Variants in PPP1CC observed in about 807,000 individuals in gnomAD.
The protein encoded by PPP1CC is protein phosphatase 1 catalytic subunit gamma, also known as serine/threonine-protein phosphatase PP1-gamma catalytic subunit.
A neutral mutation model predicts 38.4 loss-of-function variants in PPP1CC; 16 were observed. The observed-to-expected ratio is 0.42, with a 90% CI of 0.28 to 0.63. The LOEUF (loss-of-function observed/expected upper bound fraction) is 0.63. Ranked by LOEUF, PPP1CC falls within the 30% of genes least tolerant of loss-of-function variation. The pLI is 0.25. For synonymous variants in PPP1CC, 158 were observed against 136.0 expected, an observed-to-expected ratio of 1.16 and a Z score of -1.13; for missense variants, 170 against 391.3, an observed-to-expected ratio of 0.43 and a Z score of 4.77.
intron 4 of PPP1CC, among the ~76,000 whole-genome samples, chr12:110,724,231 C>T (rs1411662507): frequency 1.3e-5 from 2 of 151,872 alleles, no homozygotes; most frequent in African/African-American, 2.4e-5. Flanking sequence ...GAGCGAGACT[C>T]TGTCTCAAAA....
chr12:110,711,825 C>T, the PPP1CC span, among the ~76,000 whole-genome samples: 3 of 151,762 alleles, frequency 2.0e-5, no homozygotes, highest in East Asian at 1.9e-4. Context: ...CTTGGGAGGC[C>T]GAGGCAGGAG....
In PPP1CC at chr12:110,719,951, C is replaced by T. The variant is rs184239817; in HGVS notation, c.*1125G>A. 1.4e-4 allele frequency: 79 copies of T among 545,054 alleles called. No homozygotes were observed. The Admixed American group carries it at 2.1e-3, about 15-fold the overall frequency. The allele number at this position is 545,054 out of a possible 1,614,324, so 33.8% of individuals were successfully genotyped here. ...TAAGTCTGAATTCATTTTCACCACA[C>T]GGTATTGTACACGGTCATCTGTTGA... On this transcript the variant is annotated 3_prime_UTR_variant, in exon 7 of 7. Coordinates refer to ENST00000335007, the MANE Select transcript of PPP1CC (RefSeq NM_002710.4).
rs539181836 is a variant in PPP1CC, at chr12:110,732,214, T to C, written c.56-313A>G. ...GCTCACGCTTGTAATCCCAGCACTT[T>C]GGGAGGGTGAGGCGGGCAGATCATG... On this transcript the variant is annotated intron_variant, in intron 1 of 6. Transcript: ENST00000335007. The C allele has an allele frequency of 3.2e-4, 140 of 437,480 alleles. 1 individual carries two copies. The Middle Eastern group carries it at 4.7e-3, about 15-fold the overall frequency. The allele number at this position is 437,480 out of a possible 1,614,324, so 27.1% of individuals were successfully genotyped here. A position where few individuals can be genotyped will look rare whatever the true frequency, so the allele number is the denominator to read the frequency against.
At chr12:110,718,015 C>G (rs1291149109), downstream of PPP1CC, among the ~76,000 whole-genome samples, 1 of 152,174 alleles carries the variant, frequency 6.6e-6, no homozygotes. Context: ...TCATCATGGA[C>G]CCACATTGAG....
chr12:110,724,072 A>G (rs1413645670), intron 4 of PPP1CC, among the ~76,000 whole-genome samples: 3 of 151,758 alleles, frequency 2.0e-5, no homozygotes, highest in Non-Finnish European at 4.4e-5. Context: ...CCCCGTCTCT[A>G]CTAAAAATAC....
At position 110,731,800 on chromosome 12, in the gene PPP1CC, G is replaced by T. The variant is rs1459672240; in HGVS notation, c.157C>A (p.Leu53Ile). 1.9e-6 allele frequency: 3 copies of T among 1,612,604 alleles called. No homozygotes were observed. Among genetic ancestry groups the T allele is most frequent in the Admixed American group, 1.7e-5 (1 of 59,964 alleles). ...REIFLSQPIL[L>I]ELEAPLKICG... is the part of the protein sequence containing the mutation. The stretch of plus-strand genomic sequence containing the variant: ...ATTTTGAGTGGTGCTTCAAGTTCTA[G>T]TAGGATAGGCTGACTGAGAAAGATT... Residue 53 changes from leucine to isoleucine, a missense_variant, in exon 2 of 7, where the codon CTA becomes ATA. Leu to Ile is a conservative substitution (Grantham distance 5, BLOSUM62 2). Around this residue, in one of 3 missense-constraint regions of PPP1CC, gnomAD observed 117 missense variants for 344.4 expected, o/e 0.34. Coordinates refer to ENST00000335007, the MANE Select transcript of PPP1CC (RefSeq NM_002710.4).
At position 110,721,128 on chromosome 12, in the gene PPP1CC, G is replaced by C. The variant is rs771882736; in HGVS notation, c.920C>G (p.Thr307Arg). 1 of 1,613,814 alleles carries C rather than the reference G, an allele frequency of 6.2e-7. No individual in the cohort carries two copies. Among genetic ancestry groups the C allele is most frequent in the Non-Finnish European group, 8.5e-7 (1 of 1,179,778 alleles). Residue 307 changes from threonine (T) to arginine (R), a missense_variant, in exon 7 of 7, where the codon ACG (threonine) becomes AGG (arginine). Coordinates refer to ENST00000335007, the MANE Select transcript of PPP1CC (RefSeq NM_002710.4). ...KPAEKKKPNA[T>R]RPVTPPRGMI... ...ACCCCTTGGAGGCGTTACAGGTCTC[G>C]TGGCATTTGGCTTCTTTTTCTCTGC... is the stretch of plus-strand genomic sequence containing the variant.
chr12:110,716,416 A>T (rs181381481), downstream of PPP1CC, among the ~76,000 whole-genome samples: 1 of 151,138 alleles, frequency 6.6e-6, no homozygotes, highest in East Asian at 1.9e-4. Context: ...GCAGTGGCAG[A>T]GTCTTGGCTC....
the PPP1CC span, among the ~76,000 whole-genome samples, chr12:110,713,958 G>A: frequency 3.7e-3 from 570 of 152,198 alleles, 1 homozygote; most frequent in Middle Eastern, 0.017. Context: ...AATTAGCTCG[G>A]CGTGGTGGCG....
chr12:110,720,076 T>C lies in PPP1CC; in HGVS notation c.*1000A>G. The C allele has an allele frequency of 6.9e-7, 1 of 1,456,900 alleles. No individual in the cohort carries two copies. 90.2% of individuals were successfully genotyped at this position (1,456,900 alleles called of 1,614,324 possible). A position where few individuals can be genotyped will look rare whatever the true frequency, so the allele number is the denominator to read the frequency against. The stretch of plus-strand genomic sequence containing the variant: ...AGTAAGTTAGTTCCTTTGTTTTAAC[T>C]TATAAGCCTCAACTTCACCGCAGAA... On this transcript the variant is annotated 3_prime_UTR_variant, in exon 7 of 7. Transcript: ENST00000335007.
chr12:110,709,916 A>G, the PPP1CC span, among the ~76,000 whole-genome samples: 1 of 143,426 alleles, frequency 7.0e-6, no homozygotes, highest in Non-Finnish European at 1.5e-5. Context: ...TGGATTGTGA[A>G]AAACAAAAAA....
At chr12:110,709,730 A>G in the PPP1CC span, among the ~76,000 whole-genome samples, 2 of 151,568 alleles carry the variant, frequency 1.3e-5, no homozygotes. Flanking sequence ...TATTTTTAGT[A>G]GAGATGGGGT....
rs1243849094 is a variant in PPP1CC at position 110,742,058 on chromosome 12, AG to A, written c.55+594del. 7.9e-5 allele frequency among the ~76,000 whole-genome samples: 12 copies of A among 152,294 alleles called. No homozygotes were observed. In the East Asian group the frequency reaches 2.3e-3, roughly 29 times the overall value. On this transcript the variant is annotated intron_variant, in intron 1 of 6. Transcript: ENST00000335007. ...CTCTCCAAGATTAGAACAACTTAAA[AG>A]GATTTGGAGGGCAGGCGAAGACAGG...
the PPP1CC span, among the ~76,000 whole-genome samples, chr12:110,712,397 C>T: frequency 1.3e-5 from 2 of 151,156 alleles, no homozygotes; most frequent in Non-Finnish European, 2.9e-5. Context: ...CTCAGCACTT[C>T]GGGAGGCCAA....
intron 3 of PPP1CC, among the ~76,000 whole-genome samples, chr12:110,728,354 G>A (rs1047655867): frequency 2.7e-5 from 4 of 148,192 alleles, no homozygotes; most frequent in Admixed American, 2.0e-4. Flanking sequence ...AGGCGAGATC[G>A]CGCCCTGCAC....
chr12:110,729,006 C>A (rs1215505182), intron 3 of PPP1CC, among the ~76,000 whole-genome samples: 1 of 152,144 alleles, frequency 6.6e-6, no homozygotes, highest in Non-Finnish European at 1.5e-5. Flanking sequence ...GCCACAGGGA[C>A]AACCCTTTGC....
downstream of PPP1CC, among the ~76,000 whole-genome samples, chr12:110,715,590 T>C (rs1354040697): frequency 6.6e-6 from 1 of 152,032 alleles, no homozygotes; most frequent in African/African-American, 2.4e-5. Context: ...ATCATCAGAA[T>C]TCTCCCAAGT....
chr12:110,723,986 C>A (rs938688595), intron 4 of PPP1CC, among the ~76,000 whole-genome samples: 1 of 152,110 alleles, frequency 6.6e-6, no homozygotes, highest in Non-Finnish European at 1.5e-5. Context: ...AGTCTGTAAT[C>A]CCAGCACTTT....
At chr12:110,732,144 CTG>C in intron 1 of PPP1CC, 1 of 563,774 alleles carries the variant, frequency 1.8e-6, no homozygotes, top group Non-Finnish European at 3.1e-6. Context: ...GCCATCCTGT[CTG>C]TGCGAATGCT....
Sources: allele counts gnomAD v4.1 joint callset (sites outside exome capture counted in the v4.1 genomes callset), GRCh38; gene constraint gnomAD v4.1.1; regional missense constraint gnomAD v4.1.1; transcripts MANE v1.5; gene names NCBI Gene and HGNC (gene_info 2026-07-23, HGNC 2026-07-21).